The following NLRC5 variants were observed in gnomAD, a reference collection of about 807,000 sequenced individuals.
The protein encoded by NLRC5 is NLR family CARD domain containing 5.
Under a neutral mutation model 206.9 loss-of-function variants are expected in NLRC5, and 114 were observed. The observed-to-expected ratio is 0.55, with a 90% CI of 0.47 to 0.64. The LOEUF (loss-of-function observed/expected upper bound fraction) is 0.64. Ranked by LOEUF, NLRC5 falls within the 30% of genes least tolerant of loss-of-function variation. The pLI, the probability that NLRC5 is intolerant of heterozygous loss-of-function variation, is 0.00. For missense variants in NLRC5, 2,008 were observed against 2,305.5 expected, an observed-to-expected ratio of 0.87 and a Z score of 2.64; for synonymous variants, 952 against 962.8, an observed-to-expected ratio of 0.99 and a Z score of 0.21.
chr16:57,065,390 G>T, intron 33 of NLRC5, 92 bp downstream of exon 33: 1 of 844,742 alleles, frequency 1.2e-6, no homozygotes, highest in Non-Finnish European at 1.7e-6. Flanking sequence ...TGGGGTAATA[G>T]CTGTGTCACC....
intron 34 of NLRC5, among the ~76,000 whole-genome samples, 192 bp downstream of exon 34, chr16:57,066,806 C>T (rs1208075245): frequency 6.6e-6 from 1 of 152,230 alleles, no homozygotes; most frequent in Non-Finnish European, 1.5e-5. Context: ...CAGCTCCAGT[C>T]ACCCCCATGA....
chr16:57,080,935 C>G (rs963854713), intron 46 of NLRC5, 163 bp from the exon 47 acceptor site: 3 of 596,338 alleles, frequency 5.0e-6, no homozygotes, highest in Non-Finnish European at 8.9e-6. Flanking sequence ...TAACCTGCAC[C>G]CTGACGTCTT....
intron 32 of NLRC5, 54 bp downstream of exon 32, chr16:57,061,755 G>A: frequency 6.3e-7 from 1 of 1,577,946 alleles, no homozygotes; most frequent in South Asian, 1.1e-5. Context: ...TGGGAGCAGG[G>A]GTGGGCACTG....
rs115340380 is a variant in NLRC5, at chr16:57,066,492, G to T, written c.4242-42G>T. ...CCAGGTGCCAGCTAGGCCCTCCGGG[G>T]AAGGCTGCCCGACCTCACGTTGGTT... On this transcript the variant is annotated intron_variant, in intron 33 of 48. Transcript: ENST00000688547. 1.4e-3 allele frequency: 2,276 copies of T among 1,590,550 alleles called. 26 individuals carry two copies. In the African/African-American group the frequency reaches 0.026, roughly 18 times the overall value.
intron 1 of NLRC5, among the ~76,000 whole-genome samples, chr16:57,006,253 C>A (rs2058887565): frequency 6.6e-6 from 1 of 151,986 alleles, no homozygotes; most frequent in Non-Finnish European, 1.5e-5. Flanking sequence ...CCCGCCTTTG[C>A]CCCTCAAAGT....
At chr16:57,078,855 C>T (rs896238111) in intron 43 of NLRC5, among the ~76,000 whole-genome samples, 195 bp from the exon 44 acceptor site, 5 of 152,134 alleles carry the variant, frequency 3.3e-5, no homozygotes, top group Admixed American at 2.0e-4. Flanking sequence ...TACTCATACA[C>T]GAAGGACCCA....
At chr16:57,042,489 G>A (rs1278679451) in intron 19 of NLRC5, among the ~76,000 whole-genome samples, 1 of 152,116 alleles carries the variant, frequency 6.6e-6, no homozygotes, top group East Asian at 1.9e-4. Context: ...GGTGCCCAGG[G>A]CTGCCAAGGA....
At chr16:57,077,423 A>G in intron 41 of NLRC5, 44 bp downstream of exon 41, 1 of 1,550,536 alleles carries the variant, frequency 6.4e-7, no homozygotes, top group Non-Finnish European at 8.9e-7. Context: ...GGGTCACACG[A>G]TGGTCCTAGG....
Position 57,077,944 on chromosome 16 carries a change from C to T in NLRC5, c.5005C>T (p.Leu1669Phe). 3 of 1,613,326 alleles carry T rather than the reference C, an allele frequency of 1.9e-6. No homozygotes were observed. The highest frequency in any genetic ancestry group is 2.5e-6 in the Non-Finnish European group (3 of 1,179,614). Reference sequence around the variant, plus strand: ...ATGCTCATTCCTCTCCTCTTCCAGGCTTGGCTGCAATGCCCTGGGGGATCC... The same window carrying T: ...ATGCTCATTCCTCTCCTCTTCCAGGTTTGGCTGCAATGCCCTGGGGGATCC... ...VLCRRLEELM[L>F]GCNALGDPTA... The change falls in exon 43 of 49, where the codon CTT becomes TTT. Residue 1669 changes from leucine (L) to phenylalanine (F), a missense_variant and splice_region_variant. Leu to Phe is a conservative substitution (Grantham distance 22). Transcript: ENST00000688547.
intron 1 of NLRC5, chr16:57,014,051 G>A (rs1431204515): frequency 3.6e-6 from 1 of 280,772 alleles, no homozygotes; most frequent in African/African-American, 2.3e-5. Flanking sequence ...TTCTTTAGCA[G>A]TCTCTTCAAA....
chr16:57,058,407 A>G, intron 28 of NLRC5: 1 of 513,444 alleles, frequency 1.9e-6, no homozygotes, highest in Non-Finnish European at 3.5e-6. Flanking sequence ...ACACCCCTAC[A>G]GCCAAACTGA....
intron 1 of NLRC5, among the ~76,000 whole-genome samples, chr16:56,991,739 TC>T (rs1243391643): frequency 6.9e-6 from 1 of 145,200 alleles, no homozygotes; most frequent in Non-Finnish European, 1.5e-5. Context: ...CCTCAAGTGA[TC>T]AGTCTGCCTC....
Position 57,039,666 on chromosome 16 carries a change from A to G in NLRC5, c.2802-115A>G, listed in dbSNP as rs1447259060. The G allele has an allele frequency of 5.6e-6, 5 of 893,292 alleles. No individual in the cohort carries two copies. The East Asian group carries it at 1.2e-4, about 22-fold the overall frequency. The allele number at this position is 893,292 out of a possible 1,614,324, so 55.3% of individuals were successfully genotyped here. On this transcript the variant is annotated intron_variant, in intron 15 of 48. Transcript: ENST00000688547. ...CAGGAGGTGGAGGCTTCAGTGAGCCATGATTGCACCACTGCACACCAGCTT... is the reference window on the plus strand; with the variant it reads ...CAGGAGGTGGAGGCTTCAGTGAGCCGTGATTGCACCACTGCACACCAGCTT...
rs933019777 is a variant in NLRC5, at chr16:57,070,436, C to T, written c.4584-99C>T. On this transcript the variant is annotated intron_variant, in intron 37 of 48. Transcript: ENST00000688547. ...CAGGGCATGCAGATGCAGAGTTGGC[C>T]TCCCAGGGGACAGAGCAGGAGAGGG... is the stretch of plus-strand genomic sequence containing the variant. The T allele has an allele frequency of 5.7e-6, 6 of 1,056,332 alleles. No homozygotes were observed. In the South Asian group the frequency reaches 6.9e-5, roughly 12 times the overall value. The allele number at this position is 1,056,332 out of a possible 1,614,324, so 65.4% of individuals were successfully genotyped here. A position where few individuals can be genotyped will look rare whatever the true frequency, so the allele number is the denominator to read the frequency against.
chr16:56,990,531 T>A (rs1597025372), intron 1 of NLRC5: 1 of 152,144 alleles, frequency 6.6e-6, no homozygotes. Context: ...CTGGCTGGGG[T>A]GATCATTCGA....
At chr16:57,076,272 T>A (rs2068386839) in intron 39 of NLRC5, among the ~76,000 whole-genome samples, 1 of 152,218 alleles carries the variant, frequency 6.6e-6, no homozygotes, top group Non-Finnish European at 1.5e-5. Flanking sequence ...AAACAAATAC[T>A]TCCCAAGGGG....
In NLRC5 at chr16:57,028,719, G is replaced by A. The variant is rs545359875; in HGVS notation, c.2243+334G>A. ...CTGTGGGTACACATAACTACATGAAGCACCACACACCTTCACATTTGTTCA... is the reference window on the plus strand; with the variant it reads ...CTGTGGGTACACATAACTACATGAAACACCACACACCTTCACATTTGTTCA... On this transcript the variant is annotated intron_variant, in intron 8 of 48. Transcript: ENST00000688547. 2.0e-5 allele frequency among the ~76,000 whole-genome samples: 3 copies of A among 152,318 alleles called. No homozygotes were observed. In the South Asian group the frequency reaches 6.2e-4, roughly 32 times the overall value.
chr16:57,061,656 T>A lies in NLRC5; in HGVS notation c.4109T>A (p.Ile1370Asn), dbSNP rs1237054087. The A allele has an allele frequency of 1.2e-6, 2 of 1,610,194 alleles. No homozygotes were observed. Among genetic ancestry groups the A allele is most frequent in the Non-Finnish European group, 1.7e-6 (2 of 1,179,344 alleles). The change falls in exon 32 of 49, where the codon ATC (isoleucine) becomes AAC (asparagine). Residue 1370 changes from isoleucine to asparagine, a missense_variant. Transcript: ENST00000688547. ...TGCCTGGGCCAGAAGCAGCTGGCCA[T>A]CCTCCTGAGCTTGGTGGGGCGACCC... is the stretch of plus-strand genomic sequence containing the variant. ...QCCLGQKQLAILLSLVGRPAG... is the reference protein window; with the variant it reads ...QCCLGQKQLANLLSLVGRPAG...
intron 5 of NLRC5, 66 bp downstream of exon 5, chr16:57,023,919 C>A: frequency 1.4e-6 from 2 of 1,427,602 alleles, no homozygotes; most frequent in Non-Finnish European, 9.7e-7. Context: ...AAGACCCGGA[C>A]CCTGGACCTT....
Sources: gnomAD v4.1 joint callset for allele counts (sites outside exome capture counted in the v4.1 genomes callset) on GRCh38, gnomAD v4.1.1 for gene constraint, MANE v1.5 for transcripts, NCBI Gene and HGNC (gene_info 2026-07-23, HGNC 2026-07-21) for gene names.